BICD1: variants seen among roughly 807,000 people sequenced by gnomAD.
BICD1 encodes BICD cargo adaptor 1, also known as protein bicaudal D homolog 1.
BICD1 carries 35 observed loss-of-function variants against 92.5 expected under a neutral mutation model. The observed-to-expected ratio is 0.38, with a 90% CI of 0.29 to 0.50. The LOEUF (loss-of-function observed/expected upper bound fraction) is 0.50, where lower values mean the gene tolerates loss of function less well. Among genes scored for constraint, BICD1 ranks in the 20% least tolerant of loss-of-function variants. BICD1 has a pLI of 0.93. For synonymous variants in BICD1, 429 were observed against 465.1 expected, an observed-to-expected ratio of 0.92 and a Z score of 1.00; for missense variants, 950 against 1,189.8, an observed-to-expected ratio of 0.80 and a Z score of 2.97.
intron 2 of BICD1, among the ~76,000 whole-genome samples, chr12:32,241,156 A>G (rs183239418): frequency 6.6e-6 from 1 of 152,292 alleles, no homozygotes; most frequent in Admixed American, 6.5e-5. Flanking sequence ...ATGTATCTAC[A>G]ATTTTCCAGA....
In BICD1 at chr12:32,338,978, A is replaced by C. The variant is rs1386456415; in HGVS notation, c.2763A>C (p.Pro921=). ...AAAAAAGGTTAACCGTGGCTCCACC[A>C]GGTAAACATTTTTTCCTTGGGTGCA... ...SKEKRLTVAP[P]DCQQPAASVP... The change falls in exon 8 of 10, where the codon CCA becomes CCC. Residue 921 remains proline (P), a splice_region_variant and synonymous_variant. Coordinates refer to ENST00000652176, the MANE Select transcript of BICD1 (RefSeq NM_001714.4). 1 of 1,588,176 alleles carries C rather than the reference A, an allele frequency of 6.3e-7. No individual in the cohort carries two copies. The highest frequency in any genetic ancestry group is 8.5e-7 in the Non-Finnish European group (1 of 1,171,330).
chr12:32,241,772 C>A (rs186091077), intron 2 of BICD1, among the ~76,000 whole-genome samples: 51 of 152,272 alleles, frequency 3.3e-4, no homozygotes, highest in African/African-American at 1.2e-3. Context: ...CATCAAATCA[C>A]AGACTAAAAA....
Position 32,381,335 on chromosome 12 carries a change from A to T in BICD1, c.*3708A>T, listed in dbSNP as rs1940170831. The T allele has an allele frequency of 6.6e-6, 1 of 152,140 alleles. No individual in the cohort carries two copies. The highest frequency in any genetic ancestry group is 2.1e-4 in the South Asian group (1 of 4,838). The allele number at this position is 152,140 out of a possible 1,614,324, so 9.4% of individuals were successfully genotyped here. Reference sequence around the variant, plus strand: ...CAGGAATACTTCAGAAATAGAAGGTATGCAATCCCTTAGTGGGGGGCAAAC... The same window carrying T: ...CAGGAATACTTCAGAAATAGAAGGTTTGCAATCCCTTAGTGGGGGGCAAAC... On this transcript the variant is annotated 3_prime_UTR_variant, in exon 10 of 10. Coordinates refer to ENST00000652176, the MANE Select transcript of BICD1 (RefSeq NM_001714.4).
At chr12:32,267,308 T>C (rs188392033) in intron 2 of BICD1, among the ~76,000 whole-genome samples, 3 of 152,362 alleles carry the variant, frequency 2.0e-5, no homozygotes. Flanking sequence ...AATTTACTTA[T>C]TGATTAGGTC....
intron 2 of BICD1, among the ~76,000 whole-genome samples, chr12:32,261,904 T>G (rs555034392): frequency 6.6e-6 from 1 of 152,322 alleles, no homozygotes; most frequent in East Asian, 1.9e-4. Context: ...ACAGGCCATG[T>G]TTGTGAGTCC....
At chr12:32,349,060 G>C (rs981067164) in intron 8 of BICD1, among the ~76,000 whole-genome samples, 3 of 152,020 alleles carry the variant, frequency 2.0e-5, no homozygotes, top group African/African-American at 7.2e-5. Flanking sequence ...AGGGAGTTGG[G>C]TGCTGAACAA....
Position 32,338,909 on chromosome 12 carries a change from C to T in BICD1, c.2694C>T (p.Pro898=). 6.2e-7 allele frequency: 1 copy of T among 1,608,664 alleles called. No individual in the cohort carries two copies. The highest frequency in any genetic ancestry group is 8.5e-7 in the Non-Finnish European group (1 of 1,177,876). Reference sequence around the variant, plus strand: ...CAGAATCATTTCTTCTGAAGGGCCCCCCTTCCATGAGTGAATTCATCCAAG... The same window carrying T: ...CAGAATCATTTCTTCTGAAGGGCCCTCCTTCCATGAGTGAATTCATCCAAG... ...TSTESFLLKG[P]PSMSEFIQGH... The change falls in exon 8 of 10, where the codon CCC becomes CCT. Residue 898 remains proline, a synonymous_variant. Coordinates refer to ENST00000652176, the MANE Select transcript of BICD1 (RefSeq NM_001714.4).
At chr12:32,194,153 T>G (rs190158126) in intron 1 of BICD1, among the ~76,000 whole-genome samples, 130 of 152,358 alleles carry the variant, frequency 8.5e-4, no homozygotes, top group Non-Finnish European at 1.4e-3. Context: ...TTCAACATCC[T>G]TTCATGATTA....
At chr12:32,254,712 T>C (rs1039722040) in intron 2 of BICD1, among the ~76,000 whole-genome samples, 3 of 152,208 alleles carry the variant, frequency 2.0e-5, no homozygotes, top group African/African-American at 7.2e-5. Context: ...GAAGGAAATT[T>C]GGGCCAAGTC....
intron 4 of BICD1, among the ~76,000 whole-genome samples, chr12:32,312,179 C>A (rs1399364346): frequency 6.7e-6 from 1 of 149,342 alleles, no homozygotes; most frequent in East Asian, 1.9e-4. Flanking sequence ...CTCTGCCATG[C>A]CTTTGTTGGA....
chr12:32,329,388 C>T (rs545788807), intron 5 of BICD1, among the ~76,000 whole-genome samples: 7 of 152,260 alleles, frequency 4.6e-5, no homozygotes, highest in East Asian at 1.9e-4. Flanking sequence ...TGAACCACCG[C>T]GCCCAGCCAA....
At position 32,378,101 on chromosome 12, in the gene BICD1, G is replaced by A. The variant is rs1356924062; in HGVS notation, c.*474G>A. The A allele has an allele frequency of 6.6e-6, 1 of 152,370 alleles. No individual in the cohort carries two copies. Among genetic ancestry groups the A allele is most frequent in the Non-Finnish European group, 1.5e-5 (1 of 68,152 alleles). The allele number at this position is 152,370 out of a possible 1,614,324, so 9.4% of individuals were successfully genotyped here. A position where few individuals can be genotyped will look rare whatever the true frequency, so the allele number is the denominator to read the frequency against. On this transcript the variant is annotated 3_prime_UTR_variant, in exon 10 of 10. Transcript: ENST00000652176. ...TCTATACAAATAATTTCTCTGAGGT[G>A]AATTTAATTCATTTATTTTCAAATA... is the stretch of plus-strand genomic sequence containing the variant.
chr12:32,374,590 G>T (rs1322878125), intron 9 of BICD1, among the ~76,000 whole-genome samples: 1 of 132,982 alleles, frequency 7.5e-6, no homozygotes, highest in African/African-American at 2.8e-5. Context: ...TTTTTGAGAC[G>T]GAGTTTTGCT....
At chr12:32,374,571 T>C (rs1314496035) in intron 9 of BICD1, among the ~76,000 whole-genome samples, 8 of 146,790 alleles carry the variant, frequency 5.4e-5, no homozygotes, top group Non-Finnish European at 1.1e-4. Flanking sequence ...CTTTCTTCTT[T>C]TTTTTTTTTT....
Position 32,328,922 on chromosome 12 carries a change from A to G in BICD1, c.2100+367A>G, listed in dbSNP as rs1025809640. Among the ~76,000 whole-genome samples, 7 of 152,054 alleles carry G rather than the reference A, an allele frequency of 4.6e-5. No homozygotes were observed. The highest frequency in any genetic ancestry group is 1.0e-4 in the Non-Finnish European group (7 of 68,018). Reference sequence around the variant, plus strand: ...AGAATAGGCTGGCAAGGCAGGTTACACCAACCAGGGCGATACAGCAAGAAA... The same window carrying G: ...AGAATAGGCTGGCAAGGCAGGTTACGCCAACCAGGGCGATACAGCAAGAAA... On this transcript the variant is annotated intron_variant, in intron 5 of 9. Coordinates refer to ENST00000652176, the MANE Select transcript of BICD1 (RefSeq NM_001714.4). The surrounding 1 kb of genome is among the most constrained non-coding windows in gnomAD (Gnocchi z 4.4).
chr12:32,270,302 T>C (rs1462912199), intron 2 of BICD1, among the ~76,000 whole-genome samples: 2 of 152,084 alleles, frequency 1.3e-5, no homozygotes, highest in Admixed American at 6.5e-5. Flanking sequence ...AGCTGATTCT[T>C]TACAAAAAGC....
chr12:32,191,983 C>T (rs1489683110), intron 1 of BICD1, among the ~76,000 whole-genome samples: 1 of 152,098 alleles, frequency 6.6e-6, no homozygotes, highest in Non-Finnish European at 1.5e-5. Context: ...AAGAGTTACA[C>T]ATCTCTCACT....
rs1376203901 is a variant in BICD1 at position 32,338,903 on chromosome 12, G to A, written c.2688G>A (p.Lys896=). The A allele has an allele frequency of 1.2e-6, 2 of 1,609,070 alleles. No individual in the cohort carries two copies. Among genetic ancestry groups the A allele is most frequent in the Non-Finnish European group, 1.7e-6 (2 of 1,178,112 alleles). ...CCTCCACAGAATCATTTCTTCTGAA[G>A]GGCCCCCCTTCCATGAGTGAATTCA... is the stretch of plus-strand genomic sequence containing the variant. The part of the protein sequence containing the change: ...DPTSTESFLL[K]GPPSMSEFIQ... Residue 896 remains lysine (K), a synonymous_variant, in exon 8 of 10, where the codon AAG becomes AAA. Coordinates refer to ENST00000652176, the MANE Select transcript of BICD1 (RefSeq NM_001714.4).
rs528094156 is a variant in BICD1 at position 32,112,249 on chromosome 12, G to A, written c.213+4705G>A. 2.5e-3 allele frequency among the ~76,000 whole-genome samples: 375 copies of A among 152,188 alleles called. 3 individuals are homozygous for A. Among genetic ancestry groups the A allele is most frequent in the African/African-American group, 8.6e-3 (358 of 41,530 alleles). On this transcript the variant is annotated intron_variant, in intron 1 of 9. Coordinates refer to ENST00000652176, the MANE Select transcript of BICD1 (RefSeq NM_001714.4). Reference sequence around the variant, plus strand: ...TTGAACTCCCGACCTCAGGTGATCCGCCTGCCTCAGCCTCCCAAAGTGCTG... The same window carrying A: ...TTGAACTCCCGACCTCAGGTGATCCACCTGCCTCAGCCTCCCAAAGTGCTG...
Sources: allele counts gnomAD v4.1 joint callset (sites outside exome capture counted in the v4.1 genomes callset), GRCh38; gene constraint gnomAD v4.1.1; non-coding constraint Gnocchi (gnomAD v3.1); transcripts MANE v1.5; gene names NCBI Gene and HGNC (gene_info 2026-07-23, HGNC 2026-07-21).